RHBDD1: variants seen among roughly 807,000 people sequenced by gnomAD.
The protein encoded by RHBDD1 is rhomboid-related protein 4.
RHBDD1 carries 38 observed loss-of-function variants against 36.3 expected under a neutral mutation model. The ratio of observed to expected loss-of-function variants is 1.05; its 90% confidence interval spans 0.81 to 1.37. RHBDD1 has a LOEUF of 1.37. Ranked by LOEUF, RHBDD1 falls within the 40% of genes most tolerant of loss-of-function variation. The pLI is 0.00. For synonymous variants in RHBDD1, 151 were observed against 136.5 expected, an observed-to-expected ratio of 1.11 and a Z score of -0.74; for missense variants, 393 against 377.6, an observed-to-expected ratio of 1.04 and a Z score of -0.34.
intron 8 of RHBDD1, among the ~76,000 whole-genome samples, chr2:226,948,913 C>T (rs571781531): frequency 6.6e-6 from 1 of 152,312 alleles, no homozygotes; most frequent in African/African-American, 2.4e-5. Context: ...TCAAAAGCCT[C>T]TTAAGCTGAT....
chr2:226,822,119 A>ACTT, the RHBDD1 span, among the ~76,000 whole-genome samples: 1 of 152,184 alleles, frequency 6.6e-6, no homozygotes, highest in East Asian at 1.9e-4. Flanking sequence ...AAAGAAAAAA[A>ACTT]CTTCTGTTAG....
chr2:226,857,126 C>T (rs370190237), intron 3 of RHBDD1, among the ~76,000 whole-genome samples: 103 of 151,536 alleles, frequency 6.8e-4, no homozygotes, highest in African/African-American at 2.3e-3. Flanking sequence ...TTTGGGTACA[C>T]GTGTGCTTGT....
intron 8 of RHBDD1, among the ~76,000 whole-genome samples, chr2:226,967,069 A>G (rs192188901): frequency 6.6e-6 from 1 of 152,296 alleles, no homozygotes; most frequent in East Asian, 1.9e-4. Context: ...CTTTTCTAAC[A>G]AATTCCCTGA....
chr2:226,942,329 C>T (rs1182428365), intron 8 of RHBDD1, among the ~76,000 whole-genome samples: 1 of 150,660 alleles, frequency 6.6e-6, no homozygotes, highest in African/African-American at 2.4e-5. Context: ...AGCTCTGTTT[C>T]CCGGGTTCAT....
At chr2:226,817,433 T>A in the RHBDD1 span, among the ~76,000 whole-genome samples, 1 of 152,150 alleles carries the variant, frequency 6.6e-6, no homozygotes, top group African/African-American at 2.4e-5. Context: ...ATCAGGTACA[T>A]TACACTGATA....
chr2:226,865,158 A>T, intron 4 of RHBDD1, 32 bp downstream of exon 4: 2 of 1,518,680 alleles, frequency 1.3e-6, no homozygotes, highest in Non-Finnish European at 1.8e-6. Flanking sequence ...GGTTGCATGC[A>T]TAAAGGAAGC....
intron 3 of RHBDD1, among the ~76,000 whole-genome samples, chr2:226,854,659 C>T (rs1281434304): frequency 6.7e-6 from 1 of 149,472 alleles, no homozygotes; most frequent in Non-Finnish European, 1.5e-5. Flanking sequence ...AGCAATTAAG[C>T]AGGATTTGAA....
intron 8 of RHBDD1, among the ~76,000 whole-genome samples, chr2:226,941,503 G>A (rs373880187): frequency 3.9e-5 from 6 of 152,190 alleles, no homozygotes; most frequent in Admixed American, 2.6e-4. Flanking sequence ...TGTGATGAGC[G>A]TGCAGTTCGG....
At chr2:226,829,838 C>T in the RHBDD1 span, among the ~76,000 whole-genome samples, 2 of 152,020 alleles carry the variant, frequency 1.3e-5, no homozygotes, top group East Asian at 1.9e-4. Flanking sequence ...AATTTGATGC[C>T]TTTTATTTCG....
chr2:226,858,435 G>GTA (rs1480622621), intron 3 of RHBDD1, among the ~76,000 whole-genome samples: 1 of 152,142 alleles, frequency 6.6e-6, no homozygotes, highest in African/African-American at 2.4e-5. Flanking sequence ...TTAAGACTCT[G>GTA]TAGTTCCTGT....
At chr2:226,926,418 T>C (rs765140631) in intron 8 of RHBDD1, among the ~76,000 whole-genome samples, 2 of 152,214 alleles carry the variant, frequency 1.3e-5, no homozygotes, top group Admixed American at 6.5e-5. Flanking sequence ...TTCTTTTTAA[T>C]ATAAAAACCA....
intron 5 of RHBDD1, among the ~76,000 whole-genome samples, chr2:226,900,235 T>A (rs1445717158): frequency 2.0e-5 from 3 of 152,212 alleles, no homozygotes; most frequent in Non-Finnish European, 4.4e-5. Context: ...AAGTTATTGT[T>A]CCTTATTAAA....
At chr2:226,873,470 A>T (rs1470118766) in intron 5 of RHBDD1, among the ~76,000 whole-genome samples, 2 of 152,176 alleles carry the variant, frequency 1.3e-5, no homozygotes, top group Non-Finnish European at 1.5e-5. Context: ...CCATGTGAAC[A>T]TGTTGCTGGG....
At chr2:226,822,097 C>T in the RHBDD1 span, among the ~76,000 whole-genome samples, 2 of 151,924 alleles carry the variant, frequency 1.3e-5, no homozygotes, top group African/African-American at 4.8e-5. Context: ...AAGTCAAAGG[C>T]ATTAGGGAAA....
chr2:226,970,932 T>G (rs1953356142), intron 8 of RHBDD1, among the ~76,000 whole-genome samples: 1 of 152,202 alleles, frequency 6.6e-6, no homozygotes, highest in Non-Finnish European at 1.5e-5. Flanking sequence ...TCATTTCAAG[T>G]GTATTAAAAC....
chr2:226,813,505 T>G, the RHBDD1 span, among the ~76,000 whole-genome samples: 1 of 152,176 alleles, frequency 6.6e-6, no homozygotes, highest in African/African-American at 2.4e-5. Context: ...ACTTTTTCCA[T>G]CTTTTGCCAG....
chr2:226,957,826 A>G (rs577126114), intron 8 of RHBDD1, among the ~76,000 whole-genome samples: 3 of 152,146 alleles, frequency 2.0e-5, no homozygotes, highest in African/African-American at 7.2e-5. Context: ...GGAAATTCTG[A>G]TCAAAACCGC....
intron 8 of RHBDD1, among the ~76,000 whole-genome samples, chr2:226,980,585 A>G (rs1955508632): frequency 6.6e-6 from 1 of 152,316 alleles, no homozygotes; most frequent in African/African-American, 2.4e-5. Flanking sequence ...TCCTGGATGC[A>G]TCTCATACAC....
At chr2:226,964,541 C>CT (rs1952476790) in intron 8 of RHBDD1, among the ~76,000 whole-genome samples, 1 of 152,164 alleles carries the variant, frequency 6.6e-6, no homozygotes, top group Non-Finnish European at 1.5e-5. Context: ...TCTCCCAAGG[C>CT]TTTAGTTGCT....
Sources: gnomAD v4.1 joint callset for allele counts (sites outside exome capture counted in the v4.1 genomes callset) on GRCh38, gnomAD v4.1.1 for gene constraint, MANE v1.5 for transcripts, NCBI Gene and HGNC (gene_info 2026-07-23, HGNC 2026-07-21) for gene names.